The following PRRX1 variants were observed in gnomAD, a reference collection of about 807,000 sequenced individuals.
The protein encoded by PRRX1 is paired related homeobox 1, also known as paired mesoderm homeobox protein 1.
A neutral mutation model predicts 24.0 loss-of-function variants in PRRX1; 8 were observed. That is an observed-to-expected ratio of 0.33 (90% confidence interval 0.20 to 0.60). The LOEUF (loss-of-function observed/expected upper bound fraction) is 0.60. Ranked by LOEUF, PRRX1 falls within the 20% of genes least tolerant of loss-of-function variation. The pLI, the probability that PRRX1 is intolerant of heterozygous loss-of-function variation, is 0.82. For missense variants in PRRX1, 281 were observed against 322.4 expected (o/e 0.87, Z 0.98); for synonymous variants, 160 against 131.7 (o/e 1.22, Z -1.47).
At chr1:170,729,565 T>G (rs184859812) in intron 3 of PRRX1, among the ~76,000 whole-genome samples, 94 of 152,332 alleles carry the variant, frequency 6.2e-4, no homozygotes, top group Non-Finnish European at 1.1e-3. Context: ...CTGGGACATT[T>G]TTTAGAGTGA....
chr1:170,669,712 G>C (rs1011100812), intron 1 of PRRX1, among the ~76,000 whole-genome samples: 3 of 152,036 alleles, frequency 2.0e-5, no homozygotes, highest in African/African-American at 7.3e-5. Flanking sequence ...GAAGCACTAG[G>C]GCCCTCAGGT....
intron 1 of PRRX1, among the ~76,000 whole-genome samples, chr1:170,709,511 C>T (rs1202674443): frequency 3.3e-5 from 5 of 152,164 alleles, no homozygotes; most frequent in Admixed American, 1.3e-4. Context: ...ACCTTGCACT[C>T]TCTTTGGTAT....
intron 1 of PRRX1, among the ~76,000 whole-genome samples, chr1:170,690,752 T>A (rs999614810): frequency 2.6e-5 from 4 of 152,138 alleles, no homozygotes; most frequent in African/African-American, 9.7e-5. Flanking sequence ...CTGAATTATG[T>A]ACCAGAGAGG....
At chr1:170,726,090 A>C in intron 2 of PRRX1, 130 bp from the exon 3 acceptor site, 1 of 904,768 alleles carries the variant, frequency 1.1e-6, no homozygotes, top group Non-Finnish European at 1.7e-6. Flanking sequence ...GGAGAATTCC[A>C]TAGCCATCTT....
intron 1 of PRRX1, among the ~76,000 whole-genome samples, chr1:170,685,556 G>A (rs1653702200): frequency 6.6e-6 from 1 of 152,174 alleles, no homozygotes; most frequent in Non-Finnish European, 1.5e-5. Context: ...GGAATTTGGA[G>A]TCAGAAAATC....
At chr1:170,721,981 A>C (rs556315730) in intron 2 of PRRX1, among the ~76,000 whole-genome samples, 44 of 152,264 alleles carry the variant, frequency 2.9e-4, no homozygotes, top group African/African-American at 7.0e-4. Context: ...CATTTCAAAA[A>C]AAAAAAAATG....
chr1:170,705,748 G>C (rs1654536822), intron 1 of PRRX1, among the ~76,000 whole-genome samples: 1 of 152,160 alleles, frequency 6.6e-6, no homozygotes, highest in African/African-American at 2.4e-5. Flanking sequence ...AGTCTCAGCA[G>C]TTTTAGTGGG....
At chr1:170,667,509 C>G (rs965537398) in intron 1 of PRRX1, 1 of 152,218 alleles carries the variant, frequency 6.6e-6, no homozygotes, top group African/African-American at 2.4e-5. Flanking sequence ...TTTTTGGGCT[C>G]CCATCAAGAG....
chr1:170,708,734 T>G (rs1654651159), intron 1 of PRRX1, among the ~76,000 whole-genome samples: 3 of 152,196 alleles, frequency 2.0e-5, no homozygotes, highest in Admixed American at 2.0e-4. Flanking sequence ...ACACACTTTG[T>G]TCACCTGCCT....
At chr1:170,707,028 G>A (rs974799164) in intron 1 of PRRX1, among the ~76,000 whole-genome samples, 3 of 152,102 alleles carry the variant, frequency 2.0e-5, no homozygotes, top group Non-Finnish European at 4.4e-5. Flanking sequence ...GGGAGGCTGA[G>A]GCAGGAGGAT....
At chr1:170,719,588 A>G (rs1000663872) in intron 1 of PRRX1, 138 bp from the exon 2 acceptor site, 7 of 933,044 alleles carry the variant, frequency 7.5e-6, no homozygotes, top group Non-Finnish European at 1.2e-5. Flanking sequence ...GCACATGCAA[A>G]GTGGCATTTG....
At chr1:170,732,740 C>G (rs1655473113) in intron 3 of PRRX1, among the ~76,000 whole-genome samples, 1 of 152,134 alleles carries the variant, frequency 6.6e-6, no homozygotes, top group South Asian at 2.1e-4. Flanking sequence ...GATGCTGAAA[C>G]AAGTTAAATC....
chr1:170,723,877 T>A lies in PRRX1; in HGVS notation c.418-2343T>A, dbSNP rs114552088. Among the ~76,000 whole-genome samples, 188 of 152,322 alleles carry A rather than the reference T, an allele frequency of 1.2e-3. 1 individual carries two copies. Among genetic ancestry groups the A allele is most frequent in the Middle Eastern group, 3.4e-3 (1 of 294 alleles). ...TAATACCATGGTAAGTATTTGCGTATCTAATCATATCAAATAGCAAAAATT... is the reference window on the plus strand; with the variant it reads ...TAATACCATGGTAAGTATTTGCGTAACTAATCATATCAAATAGCAAAAATT... On this transcript the variant is annotated intron_variant, in intron 2 of 3. Transcript: ENST00000239461.
At chr1:170,703,255 T>C (rs934102661) in intron 1 of PRRX1, among the ~76,000 whole-genome samples, 1 of 152,344 alleles carries the variant, frequency 6.6e-6, no homozygotes, top group Admixed American at 6.5e-5. Flanking sequence ...TCTACGAATG[T>C]CAAGTGTTTC....
intron 1 of PRRX1, among the ~76,000 whole-genome samples, chr1:170,681,057 G>A (rs1266688679): frequency 6.6e-6 from 1 of 152,178 alleles, no homozygotes; most frequent in East Asian, 1.9e-4. Context: ...CTTAACTTGT[G>A]CCTTTGGGTC....
chr1:170,708,099 T>C (rs1654623815), intron 1 of PRRX1, among the ~76,000 whole-genome samples: 1 of 152,200 alleles, frequency 6.6e-6, no homozygotes. Context: ...TGTTATGAGT[T>C]GAGCAGTGTA....
At chr1:170,697,488 A>G (rs2101902169) in intron 1 of PRRX1, among the ~76,000 whole-genome samples, 1 of 152,064 alleles carries the variant, frequency 6.6e-6, no homozygotes, top group East Asian at 1.9e-4. Flanking sequence ...AAAGGAAGAT[A>G]AGGGAAAAAG....
intron 1 of PRRX1, among the ~76,000 whole-genome samples, chr1:170,691,603 T>A (rs1385455831): frequency 6.6e-6 from 1 of 151,580 alleles, no homozygotes; most frequent in Non-Finnish European, 1.5e-5. Flanking sequence ...TTTTTAATAT[T>A]TTTGTTTTTA....
At position 170,736,397 on chromosome 1, in the gene PRRX1, C is replaced by G. The variant is rs942398009; in HGVS notation, c.*211C>G. 4 of 627,262 alleles carry G rather than the reference C, an allele frequency of 6.4e-6. No homozygotes were observed. The South Asian group carries it at 7.9e-5, about 12-fold the overall frequency. The allele number at this position is 627,262 out of a possible 1,614,324, so 38.9% of individuals were successfully genotyped here. On this transcript the variant is annotated 3_prime_UTR_variant, in exon 4 of 4. Coordinates refer to ENST00000239461, the MANE Select transcript of PRRX1 (RefSeq NM_022716.4). The stretch of plus-strand genomic sequence containing the variant: ...AATGTTCCTCCTCCCTCTGGGATAC[C>G]ACCACCACTTGTTTCTGTGTGTGTT...
Sources: gnomAD v4.1 joint callset for allele counts (sites outside exome capture counted in the v4.1 genomes callset) on GRCh38, gnomAD v4.1.1 for gene constraint, MANE v1.5 for transcripts, NCBI Gene and HGNC (gene_info 2026-07-23, HGNC 2026-07-21) for gene names.